DLG2: variants seen among roughly 807,000 people sequenced by gnomAD.
The protein encoded by DLG2 is discs large MAGUK scaffold protein 2.
A neutral mutation model predicts 132.5 loss-of-function variants in DLG2; 45 were observed. That is an observed-to-expected ratio of 0.34 (90% confidence interval 0.27 to 0.44). The LOEUF is 0.44. Ranked by LOEUF, DLG2 falls within the 20% of genes least tolerant of loss-of-function variation. The pLI is 1.00. For missense variants in DLG2, 1,045 were observed against 1,196.9 expected (o/e 0.87, Z 1.87); for synonymous variants, 424 against 419.6 (o/e 1.01, Z -0.13).
At chr11:84,098,053 C>CT (rs2097191087) in intron 10 of DLG2, among the ~76,000 whole-genome samples, 1 of 66,044 alleles carries the variant, frequency 1.5e-5, no homozygotes, top group African/African-American at 4.7e-5. Context: ...TTTTTTTTTT[C>CT]TTTTTTGCTT....
At chr11:84,405,364 T>C (rs2098845032) in intron 7 of DLG2, among the ~76,000 whole-genome samples, 1 of 152,168 alleles carries the variant, frequency 6.6e-6, no homozygotes, top group South Asian at 2.1e-4. Flanking sequence ...TTACTTCCTA[T>C]TATCTCTGCC....
intron 17 of DLG2, among the ~76,000 whole-genome samples, chr11:83,825,152 C>CACATATATAT (rs36150016): frequency 2.4e-4 from 19 of 80,322 alleles, no homozygotes; most frequent in Non-Finnish European, 3.2e-4. Flanking sequence ...CACACACACA[C>CACATATATAT]ATATATATAT....
At chr11:84,891,218 T>C (rs1000001999) in intron 6 of DLG2, among the ~76,000 whole-genome samples, 1 of 152,202 alleles carries the variant, frequency 6.6e-6, no homozygotes, top group African/African-American at 2.4e-5. Flanking sequence ...ACAGTTGGCT[T>C]TCCTTTTTTA....
intron 19 of DLG2, among the ~76,000 whole-genome samples, chr11:83,568,903 A>T (rs2096752607): frequency 6.6e-6 from 1 of 151,914 alleles, no homozygotes; most frequent in South Asian, 2.1e-4. Context: ...GCGCTATCAG[A>T]GGACTTAAGA....
Position 83,857,241 on chromosome 11 carries a change from C to T in DLG2, c.1565+17179G>A, listed in dbSNP as rs188664381. On this transcript the variant is annotated intron_variant, in intron 16 of 27. Transcript: ENST00000376104. ...GTAGCCCTGTAATATAGTTTGAAGTCAGCTAGTGTGATGTCTCCAGCTTTG... is the reference window on the plus strand; with the variant it reads ...GTAGCCCTGTAATATAGTTTGAAGTTAGCTAGTGTGATGTCTCCAGCTTTG... Among the ~76,000 whole-genome samples the T allele has an allele frequency of 1.1e-4, 16 of 152,258 alleles. 1 individual carries two copies. The East Asian group carries it at 1.5e-3, about 15-fold the overall frequency.
At chr11:84,148,370 C>T (rs2154248022) in intron 9 of DLG2, among the ~76,000 whole-genome samples, 1 of 152,158 alleles carries the variant, frequency 6.6e-6, no homozygotes, top group Non-Finnish European at 1.5e-5. Context: ...TTGCAACCTT[C>T]CCTCCTTCCC....
intron 6 of DLG2, among the ~76,000 whole-genome samples, chr11:84,676,456 T>C (rs1181419505): frequency 3.9e-5 from 6 of 152,090 alleles, no homozygotes; most frequent in Admixed American, 3.9e-4. Flanking sequence ...CCAAAGATCA[T>C]ATGGCACAGC....
At chr11:84,602,467 A>G (rs910480056) in intron 6 of DLG2, among the ~76,000 whole-genome samples, 5 of 152,010 alleles carry the variant, frequency 3.3e-5, no homozygotes, top group Admixed American at 3.3e-4. Context: ...CAGTTTCTAA[A>G]TAAGAAAGAG....
chr11:84,289,732 A>G (rs71469643), intron 7 of DLG2, among the ~76,000 whole-genome samples: 2,568 of 152,264 alleles, frequency 0.017, 32 homozygotes, highest in Non-Finnish European at 0.028. Flanking sequence ...TCTGTTCGTA[A>G]ACAAGGCAGA....
intron 6 of DLG2, among the ~76,000 whole-genome samples, chr11:84,752,183 T>C (rs577808124): frequency 6.6e-6 from 1 of 152,338 alleles, no homozygotes; most frequent in Admixed American, 6.5e-5. Flanking sequence ...CTTTCTAGCC[T>C]TGGATCACTT....
At chr11:85,146,227 C>CCTCTCTCTCCCTCTCT (rs2076839367) in intron 5 of DLG2, among the ~76,000 whole-genome samples, 4 of 129,110 alleles carry the variant, frequency 3.1e-5, no homozygotes, top group Non-Finnish European at 6.5e-5. Flanking sequence ...TCTGTTTCTC[C>CCTCTCTCTCCCTCTCT]CTCTCTCTCT....
chr11:84,603,365 T>C (rs2154534813), intron 6 of DLG2, among the ~76,000 whole-genome samples: 1 of 152,096 alleles, frequency 6.6e-6, no homozygotes, highest in South Asian at 2.1e-4. Flanking sequence ...CATTTTTCTA[T>C]TGAAATGTGA....
At chr11:84,440,695 C>G (rs932054819) in intron 7 of DLG2, among the ~76,000 whole-genome samples, 6 of 152,166 alleles carry the variant, frequency 3.9e-5, no homozygotes, top group African/African-American at 7.2e-5. Flanking sequence ...TTTAAAGCCT[C>G]TCCTATGACG....
At chr11:84,550,088 C>T (rs903768494) in intron 6 of DLG2, among the ~76,000 whole-genome samples, 23 of 151,160 alleles carry the variant, frequency 1.5e-4, no homozygotes, top group Non-Finnish European at 2.8e-4. Flanking sequence ...ATGCAGTCAT[C>T]TTTCCAAGTA....
intron 7 of DLG2, among the ~76,000 whole-genome samples, chr11:84,270,393 C>A (rs888259515): frequency 6.6e-6 from 1 of 152,148 alleles, no homozygotes; most frequent in African/African-American, 2.4e-5. Context: ...AGGGGAGGAT[C>A]TAATATGTGA....
intron 4 of DLG2, among the ~76,000 whole-genome samples, chr11:85,200,108 A>AC (rs1024277093): frequency 1.4e-4 from 22 of 151,988 alleles, no homozygotes; most frequent in East Asian, 5.8e-4. Flanking sequence ...GAGGTTGTAA[A>AC]CCCCCCCATG....
At chr11:85,579,317 TA>T (rs1335712026) in intron 3 of DLG2, among the ~76,000 whole-genome samples, 2 of 152,032 alleles carry the variant, frequency 1.3e-5, no homozygotes, top group African/African-American at 4.8e-5. Context: ...AAATAATCTG[TA>T]CAACAAACCC....
intron 19 of DLG2, among the ~76,000 whole-genome samples, chr11:83,620,397 T>C (rs954795756): frequency 5.3e-5 from 8 of 152,140 alleles, no homozygotes; most frequent in African/African-American, 1.9e-4. Context: ...ACTTTAAAAA[T>C]GAAAAATAAT....
chr11:83,730,146 G>GCTTTTTTTTTTTTTT (rs775673275), intron 18 of DLG2, among the ~76,000 whole-genome samples: 1 of 111,004 alleles, frequency 9.0e-6, no homozygotes. Flanking sequence ...TTTTTTTATG[G>GCTTTTTTTTTTTTTT]TTTTTTTTTT....
Sources: gnomAD v4.1 joint callset for allele counts (sites outside exome capture counted in the v4.1 genomes callset) on GRCh38, gnomAD v4.1.1 for gene constraint, MANE v1.5 for transcripts, NCBI Gene and HGNC (gene_info 2026-07-23, HGNC 2026-07-21) for gene names.